PPFIA2: variants seen among roughly 807,000 people sequenced by gnomAD.
PPFIA2 encodes the protein PPFI scaffold protein A2, also known as liprin-alpha-2.
Under a neutral mutation model 175.5 loss-of-function variants are expected in PPFIA2, and 46 were observed. The observed-to-expected ratio is 0.26, with a 90% CI of 0.21 to 0.34. PPFIA2 has a LOEUF of 0.34. Among genes scored for constraint, PPFIA2 ranks in the 10% least tolerant of loss-of-function variants. The probability of loss-of-function intolerance (pLI) is 1.00; values close to 1 mark genes in which losing one functional copy is unlikely to be tolerated. For missense variants in PPFIA2, 1,179 were observed against 1,506.1 expected (o/e 0.78, Z 3.60); for synonymous variants, 568 against 511.4 (o/e 1.11, Z -1.49).
At chr12:81,484,155 T>A (rs1253302273) in intron 4 of PPFIA2, among the ~76,000 whole-genome samples, 1 of 151,912 alleles carries the variant, frequency 6.6e-6, no homozygotes, top group Non-Finnish European at 1.5e-5. Context: ...TTCTGCCCTA[T>A]GAAAGACCAA....
intron 4 of PPFIA2, chr12:81,512,434 T>C: frequency 1.1e-6 from 1 of 946,858 alleles, no homozygotes; most frequent in South Asian, 1.6e-5. Flanking sequence ...GAATTTTTCT[T>C]TAATCTAAAT....
chr12:81,653,901 TATATA>T (rs562525251), intron 4 of PPFIA2, among the ~76,000 whole-genome samples: 62 of 152,202 alleles, frequency 4.1e-4, no homozygotes, highest in African/African-American at 1.4e-3. Flanking sequence ...GCATAGTTTG[TATATA>T]ATATATGTAT....
At chr12:81,279,915 T>TAC (rs1247176687) in intron 27 of PPFIA2, among the ~76,000 whole-genome samples, 1 of 152,162 alleles carries the variant, frequency 6.6e-6, no homozygotes, top group Non-Finnish European at 1.5e-5. Flanking sequence ...ACCTAGGATC[T>TAC]ACATCTGTGT....
chr12:81,368,273 G>C (rs1257799165), intron 13 of PPFIA2: 1 of 672,586 alleles, frequency 1.5e-6, no homozygotes, highest in Non-Finnish European at 2.3e-6. Flanking sequence ...CCTCTACTGG[G>C]ATTGATACTA....
chr12:81,290,830 A>G (rs2044744213), intron 24 of PPFIA2, among the ~76,000 whole-genome samples: 1 of 151,876 alleles, frequency 6.6e-6, no homozygotes, highest in Admixed American at 6.6e-5. Flanking sequence ...CAGTTTATGC[A>G]ACAACATAAT....
Position 81,324,603 on chromosome 12 carries a change from C to T in PPFIA2, c.2642+1174G>A, listed in dbSNP as rs541441060. Among the ~76,000 whole-genome samples the T allele has an allele frequency of 9.2e-5, 14 of 151,622 alleles. No individual in the cohort carries two copies. The East Asian group carries it at 1.2e-3, about 13-fold the overall frequency. On this transcript the variant is annotated intron_variant, in intron 22 of 32. Coordinates refer to ENST00000549396, the MANE Select transcript of PPFIA2 (RefSeq NM_003625.5). ...GAATGTTTTTCTCAATAAATAGTCA[C>T]GAAATAGAGTATATCATTAATTGGT...
intron 17 of PPFIA2, among the ~76,000 whole-genome samples, chr12:81,351,843 C>T (rs1285109522): frequency 1.3e-5 from 2 of 151,396 alleles, no homozygotes; most frequent in African/African-American, 4.9e-5. Context: ...AGGTTGTGGG[C>T]TGCAGTGAGC....
At position 81,414,833 on chromosome 12, in the gene PPFIA2, T is replaced by G. The variant is rs2044642968; in HGVS notation, c.646-8930A>C. Among the ~76,000 whole-genome samples, 3 of 151,522 alleles carry G rather than the reference T, an allele frequency of 2.0e-5. No homozygotes were observed. In the South Asian group the frequency reaches 6.2e-4, roughly 31 times the overall value. On this transcript the variant is annotated intron_variant, in intron 7 of 32. Coordinates refer to ENST00000549396, the MANE Select transcript of PPFIA2 (RefSeq NM_003625.5). ...AAACTTAAGCAACTTTCAGTCACAA[T>G]AGTTTGCATTTGTATCGCTATTTAT...
chr12:81,754,642 A>G (rs1427125344), intron 2 of PPFIA2, among the ~76,000 whole-genome samples: 1 of 152,216 alleles, frequency 6.6e-6, no homozygotes, highest in African/African-American at 2.4e-5. Flanking sequence ...TATATTATTA[A>G]TGGCAAGCAC....
At chr12:81,521,436 G>A (rs965205694) in intron 4 of PPFIA2, among the ~76,000 whole-genome samples, 2 of 152,222 alleles carry the variant, frequency 1.3e-5, no homozygotes, top group Non-Finnish European at 2.9e-5. Context: ...ATCCACAGTG[G>A]TAAGTACAGT....
chr12:81,678,858 G>T (rs2073076703), intron 3 of PPFIA2, among the ~76,000 whole-genome samples: 1 of 151,708 alleles, frequency 6.6e-6, no homozygotes, highest in Non-Finnish European at 1.5e-5. Context: ...AATTATATCG[G>T]CATTTTTTGG....
chr12:81,406,737 G>T (rs2043004338), intron 7 of PPFIA2, among the ~76,000 whole-genome samples: 1 of 151,340 alleles, frequency 6.6e-6, no homozygotes, highest in Non-Finnish European at 1.5e-5. Context: ...TTATTCCATG[G>T]CATATTTTAT....
intron 4 of PPFIA2, among the ~76,000 whole-genome samples, chr12:81,548,364 T>C (rs2067316264): frequency 6.6e-6 from 1 of 152,192 alleles, no homozygotes; most frequent in Admixed American, 6.5e-5. Flanking sequence ...TTTTCTGTTT[T>C]AATTAATATT....
chr12:81,604,151 CTGATTTCCAGTGGG>C (rs146480604), intron 4 of PPFIA2, among the ~76,000 whole-genome samples: 2,070 of 151,748 alleles, frequency 0.014, 41 homozygotes, highest in African/African-American at 0.047. Context: ...CTGGAAATCA[CTGATTTCCAGTGGG>C]TGATTTCCAG....
At chr12:81,283,160 A>G in intron 25 of PPFIA2, 121 bp from the exon 26 acceptor site, 1 of 914,624 alleles carries the variant, frequency 1.1e-6, no homozygotes, top group East Asian at 2.7e-5. Context: ...TATAACAGGT[A>G]GAATAAACAC....
At chr12:81,610,364 C>T (rs1420677982) in intron 4 of PPFIA2, among the ~76,000 whole-genome samples, 1 of 152,148 alleles carries the variant, frequency 6.6e-6, no homozygotes. Context: ...CTTTCTTTCT[C>T]TGTCAGGATG....
At chr12:81,472,613 ATGTAACCC>A (rs2056906907) in intron 4 of PPFIA2, 1 of 152,224 alleles carries the variant, frequency 6.6e-6, no homozygotes. Flanking sequence ...CATCAAGGTA[ATGTAACCC>A]TGAAATATTC....
intron 19 of PPFIA2, among the ~76,000 whole-genome samples, chr12:81,341,560 C>T (rs749756865): frequency 3.3e-5 from 5 of 152,024 alleles, no homozygotes; most frequent in Non-Finnish European, 5.9e-5. Context: ...TGTCTTAAAA[C>T]GATTTATGCA....
intron 3 of PPFIA2, among the ~76,000 whole-genome samples, chr12:81,735,316 T>A (rs866931486): frequency 2.0e-5 from 3 of 151,800 alleles, no homozygotes; most frequent in Non-Finnish European, 2.9e-5. Context: ...TGGTGTGAAA[T>A]GTGGTTTTAA....
Sources: gnomAD v4.1 joint callset for allele counts (sites outside exome capture counted in the v4.1 genomes callset) on GRCh38, gnomAD v4.1.1 for gene constraint, MANE v1.5 for transcripts, NCBI Gene and HGNC (gene_info 2026-07-23, HGNC 2026-07-21) for gene names.